The following PRKN variants were observed in gnomAD, a reference collection of about 807,000 sequenced individuals.
PRKN encodes E3 ubiquitin-protein ligase parkin.
Under a neutral mutation model 59.5 loss-of-function variants are expected in PRKN, and 56 were observed. The ratio of observed to expected loss-of-function variants is 0.94; its 90% CI spans 0.76 to 1.18. The LOEUF is 1.18. Ranked by LOEUF, PRKN falls within the 50% of genes most tolerant of loss-of-function variation. The pLI, the probability that PRKN is intolerant of heterozygous loss-of-function variation, is 0.00. For synonymous variants in PRKN, 250 were observed against 222.1 expected (o/e 1.13, Z -1.12); for missense variants, 657 against 596.4 (o/e 1.10, Z -1.06).
At chr6:162,539,770 T>C (rs931993212) in intron 1 of PRKN, among the ~76,000 whole-genome samples, 2 of 152,212 alleles carry the variant, frequency 1.3e-5, no homozygotes, top group East Asian at 1.9e-4. Flanking sequence ...CGAAATTTAA[T>C]GCTGATTAGT....
intron 9 of PRKN, among the ~76,000 whole-genome samples, chr6:161,486,860 T>A (rs9355903): frequency 0.41 from 62,939 of 152,124 alleles, 15,998 homozygotes; most frequent in Middle Eastern, 0.58. Context: ...AGCTCTATCA[T>A]ACACTCTTTA....
intron 4 of PRKN, among the ~76,000 whole-genome samples, chr6:162,115,213 G>A (rs1780613668): frequency 6.6e-6 from 1 of 151,988 alleles, no homozygotes; most frequent in South Asian, 2.1e-4. Flanking sequence ...GATGAAACTG[G>A]AAATCATCAT....
intron 7 of PRKN, among the ~76,000 whole-genome samples, chr6:161,779,096 C>A (rs540685227): frequency 9.2e-5 from 14 of 152,000 alleles, no homozygotes; most frequent in Admixed American, 3.9e-4. Context: ...CCTGCCACCA[C>A]GCCTGGCTAA....
intron 9 of PRKN, among the ~76,000 whole-genome samples, chr6:161,531,164 G>A (rs1387993588): frequency 1.3e-5 from 2 of 151,858 alleles, no homozygotes; most frequent in African/African-American, 4.8e-5. Flanking sequence ...GGCAGATCAC[G>A]AGGTCAGGAG....
rs1784886561 is a variant in PRKN at position 161,359,267 on chromosome 6, T to A, written c.1285+821A>T. Among the ~76,000 whole-genome samples, 1 of 152,206 alleles carries A rather than the reference T, an allele frequency of 6.6e-6. No individual in the cohort carries two copies. The highest frequency in any genetic ancestry group is 2.1e-4 in the South Asian group (1 of 4,834). ...AGCCAGCACCTGCGGCTCTGGGATG[T>A]GTTCAAGCACCGTCTTGTTTGTATT... On this transcript the variant is annotated intron_variant, in intron 11 of 11. Transcript: ENST00000366898. The surrounding 1 kb of genome is among the most constrained non-coding windows in gnomAD (Gnocchi z 5.4).
intron 8 of PRKN, among the ~76,000 whole-genome samples, chr6:161,564,525 C>T (rs567061063): frequency 7.2e-5 from 11 of 152,272 alleles, no homozygotes; most frequent in Middle Eastern, 3.4e-3. Context: ...CTGAAACAGG[C>T]GTGTCCCTGA....
rs953641546 is a variant in PRKN, at chr6:161,602,908, T to C, written c.872-33492A>G. 2.0e-5 allele frequency among the ~76,000 whole-genome samples: 3 copies of C among 152,260 alleles called. No individual in the cohort carries two copies. The East Asian group carries it at 5.8e-4, about 29-fold the overall frequency. ...GTTGAGGGGATACATAAACAAATAT[T>C]TAAGTACAGTAAGAGGCAGACTGAT... On this transcript the variant is annotated intron_variant, in intron 7 of 11. Coordinates refer to ENST00000366898, the MANE Select transcript of PRKN (RefSeq NM_004562.3).
At position 161,546,645 on chromosome 6, in the gene PRKN, C is replaced by T. The variant is rs1249196058; in HGVS notation, c.1083+2209G>A. On this transcript the variant is annotated intron_variant, in intron 9 of 11. Coordinates refer to ENST00000366898, the MANE Select transcript of PRKN (RefSeq NM_004562.3). This position sits in a 1 kb window ranked among gnomAD's most constrained non-coding sequence, Gnocchi z 4.4. ...AAACTGTGGTGGTTTAAAATACGTT[C>T]ATAAATTCTTTGACACTCTTTAAGA... 6.6e-6 allele frequency among the ~76,000 whole-genome samples: 1 copy of T among 151,806 alleles called. No homozygotes were observed. The highest frequency in any genetic ancestry group is 2.1e-4 in the South Asian group (1 of 4,806).
At chr6:161,607,782 A>G (rs1190432513) in intron 7 of PRKN, among the ~76,000 whole-genome samples, 1 of 152,244 alleles carries the variant, frequency 6.6e-6, no homozygotes, top group Non-Finnish European at 1.5e-5. Context: ...AGAAGGTCAT[A>G]GGTTTCTGGC....
intron 6 of PRKN, among the ~76,000 whole-genome samples, chr6:161,874,113 A>AATATAATATATATTAT: frequency 1.8e-5 from 1 of 56,876 alleles, no homozygotes; most frequent in Non-Finnish European, 3.0e-5. Flanking sequence ...TTATATGTAA[A>AATATAATATATATTAT]ATATAATATA....
In PRKN at chr6:161,832,690, C is replaced by T. The variant is rs1364233686; in HGVS notation, c.735-46782G>A. Among the ~76,000 whole-genome samples, 3 of 151,834 alleles carry T rather than the reference C, an allele frequency of 2.0e-5. No individual in the cohort carries two copies. The East Asian group carries it at 5.8e-4, about 29-fold the overall frequency. On this transcript the variant is annotated intron_variant, in intron 6 of 11. Transcript: ENST00000366898. ...CGCGGAACTGTAATACAGGCCGATCCCTAAGGCCTCCATGGTGTCTTACAG... is the reference window on the plus strand; with the variant it reads ...CGCGGAACTGTAATACAGGCCGATCTCTAAGGCCTCCATGGTGTCTTACAG...
intron 1 of PRKN, among the ~76,000 whole-genome samples, chr6:162,639,482 A>G (rs896042885): frequency 2.6e-5 from 4 of 152,200 alleles, no homozygotes; most frequent in African/African-American, 4.8e-5. Flanking sequence ...GGTTAGATAT[A>G]TTAATAAAAT....
chr6:162,404,807 C>A (rs1327620190), intron 2 of PRKN, among the ~76,000 whole-genome samples: 2 of 152,184 alleles, frequency 1.3e-5, no homozygotes, highest in African/African-American at 2.4e-5. Flanking sequence ...CCGCCTCGGC[C>A]TCCCAAAGTG....
At chr6:162,043,497 T>C (rs546458107) in intron 5 of PRKN, among the ~76,000 whole-genome samples, 1 of 152,300 alleles carries the variant, frequency 6.6e-6, no homozygotes, top group African/African-American at 2.4e-5. Flanking sequence ...CAGTCTTGCT[T>C]CACAAATGGA....
intron 3 of PRKN, among the ~76,000 whole-genome samples, chr6:162,207,165 GATCCAGA>G (rs1049101937): frequency 6.6e-6 from 1 of 152,086 alleles, no homozygotes; most frequent in African/African-American, 2.4e-5. Flanking sequence ...AAGGTCAGGA[GATCCAGA>G]CCATCCTGGC....
rs998810221 is a variant in PRKN at position 161,527,481 on chromosome 6, A to G, written c.1083+21373T>C. ...TTACAACCTGCTGGATGCTATGCCCACATGAGGGAGGGGTGCCTTCTAATT... is the reference window on the plus strand; with the variant it reads ...TTACAACCTGCTGGATGCTATGCCCGCATGAGGGAGGGGTGCCTTCTAATT... On this transcript the variant is annotated intron_variant, in intron 9 of 11. Coordinates refer to ENST00000366898, the MANE Select transcript of PRKN (RefSeq NM_004562.3). This position sits in a 1 kb window ranked among gnomAD's most constrained non-coding sequence, Gnocchi z 4.6. 6.6e-6 allele frequency among the ~76,000 whole-genome samples: 1 copy of G among 152,194 alleles called. No individual in the cohort carries two copies. Among genetic ancestry groups the G allele is most frequent in the African/African-American group, 2.4e-5 (1 of 41,450 alleles).
chr6:161,514,767 G>T (rs528334598), intron 9 of PRKN, among the ~76,000 whole-genome samples: 1 of 152,260 alleles, frequency 6.6e-6, no homozygotes, highest in South Asian at 2.1e-4. Context: ...GGAACCAGGA[G>T]ACCAGAAGGG....
At chr6:161,532,143 T>A (rs1033452262) in intron 9 of PRKN, among the ~76,000 whole-genome samples, 1 of 86,226 alleles carries the variant, frequency 1.2e-5, no homozygotes, top group African/African-American at 4.2e-5. Flanking sequence ...TGTCTTGCAC[T>A]CTCTCTCTCT....
At chr6:161,885,914 A>G (rs1467091308) in intron 6 of PRKN, among the ~76,000 whole-genome samples, 2 of 152,174 alleles carry the variant, frequency 1.3e-5, no homozygotes, top group African/African-American at 2.4e-5. Context: ...AGGAGGTGGC[A>G]ATGGTACCTC....
Sources: allele counts gnomAD v4.1 joint callset (sites outside exome capture counted in the v4.1 genomes callset), GRCh38; gene constraint gnomAD v4.1.1; non-coding constraint Gnocchi (gnomAD v3.1); transcripts MANE v1.5; gene names NCBI Gene and HGNC (gene_info 2026-07-23, HGNC 2026-07-21).